The following GEMIN5 variants were observed in gnomAD, a reference collection of about 807,000 sequenced individuals.
GEMIN5 encodes the protein gem-associated protein 5.
In GEMIN5, 124 loss-of-function variants were observed where a neutral mutation model predicts 176.9. That is an observed-to-expected ratio of 0.70 (90% CI 0.61 to 0.81). The LOEUF is 0.81. Among genes scored for constraint, GEMIN5 ranks in the 40% least tolerant of loss-of-function variants. The pLI is 0.00. For missense variants in GEMIN5, 1,843 were observed against 1,814.6 expected (o/e 1.02, Z -0.28); for synonymous variants, 673 against 665.2 (o/e 1.01, Z -0.18).
intron 3 of GEMIN5, among the ~76,000 whole-genome samples, chr5:154,933,239 T>A: frequency 6.6e-6 from 1 of 152,238 alleles, no homozygotes; most frequent in East Asian, 1.9e-4. Flanking sequence ...ATATCATTCC[T>A]AGCCTTTCTT....
intron 15 of GEMIN5, 45 bp downstream of exon 15, chr5:154,911,682 A>G (rs1166047050): frequency 1.3e-6 from 2 of 1,514,394 alleles, no homozygotes; most frequent in Admixed American, 3.5e-5. Context: ...TCAATTATTA[A>G]GAAAGGGAGA....
At chr5:154,927,585 CAAACGATCTGA>C (rs748209566) in intron 6 of GEMIN5, 35 bp from the exon 7 acceptor site, 26 of 1,497,628 alleles carry the variant, frequency 1.7e-5, no homozygotes, top group Non-Finnish European at 1.5e-5. Flanking sequence ...AGTTCTTTTA[CAAACGATCTGA>C]AAACAAGTGA....
intron 5 of GEMIN5, among the ~76,000 whole-genome samples, chr5:154,929,817 G>A (rs1174457432): frequency 6.6e-6 from 1 of 152,216 alleles, no homozygotes; most frequent in African/African-American, 2.4e-5. Context: ...CATTCCAAGT[G>A]CTGTGCTACT....
At chr5:154,907,876 T>C (rs1763604501) in intron 15 of GEMIN5, 58 bp from the exon 16 acceptor site, 3 of 1,215,306 alleles carry the variant, frequency 2.5e-6, no homozygotes, top group South Asian at 1.3e-5. Flanking sequence ...AAAAGCACTC[T>C]AGGTGGTAAA....
At chr5:154,922,105 C>T (rs2113497985) in intron 9 of GEMIN5, among the ~76,000 whole-genome samples, 1 of 152,306 alleles carries the variant, frequency 6.6e-6, no homozygotes, top group African/African-American at 2.4e-5. Flanking sequence ...GAGAATAAAT[C>T]AAAATTTCTA....
At chr5:154,903,780 G>A (rs937935844) in intron 18 of GEMIN5, among the ~76,000 whole-genome samples, 2 of 151,630 alleles carry the variant, frequency 1.3e-5, no homozygotes, top group Non-Finnish European at 2.9e-5. Context: ...TTCCTGGGGA[G>A]GAGAAACAGA....
At chr5:154,930,277 A>G (rs976063035) in intron 5 of GEMIN5, among the ~76,000 whole-genome samples, 1 of 152,248 alleles carries the variant, frequency 6.6e-6, no homozygotes, top group Non-Finnish European at 1.5e-5. Flanking sequence ...AGCAGGGGCC[A>G]CATGCGTCAG....
chr5:154,901,372 G>A lies in GEMIN5; in HGVS notation c.2981C>T (p.Ala994Val), dbSNP rs774969772. ...ATGGTTTGACTTGAGCAGCTCCACC[G>A]CTTCATACACTTTGTGGATGGAAAG... Reference protein sequence around the residue: ...HLLSIHKVYEAVELLKSNHFY... With the variant: ...HLLSIHKVYEVVELLKSNHFY... Residue 994 changes from alanine to valine, a missense_variant, in exon 21 of 28, where the codon GCG (alanine) becomes GTG (valine). Ala to Val is a moderately conservative substitution (Grantham distance 64). Coordinates refer to ENST00000285873, the MANE Select transcript of GEMIN5 (RefSeq NM_015465.5). 1.1e-5 allele frequency: 17 copies of A among 1,613,672 alleles called. No individual in the cohort carries two copies. The highest frequency in any genetic ancestry group is 5.0e-5 in the Admixed American group (3 of 59,980).
chr5:154,908,172 CTTTTTTTTTTTTT>C (rs386405383), intron 15 of GEMIN5, among the ~76,000 whole-genome samples: 46 of 73,080 alleles, frequency 6.3e-4, no homozygotes, highest in Admixed American at 1.8e-3. Flanking sequence ...CCCAGATGTC[CTTTTTTTTTTTTT>C]TTTTTTTTTT....
At chr5:154,900,006 T>C (rs1356442253) in intron 21 of GEMIN5, among the ~76,000 whole-genome samples, 1 of 151,964 alleles carries the variant, frequency 6.6e-6, no homozygotes, top group Non-Finnish European at 1.5e-5. Context: ...TTCTCAAAAA[T>C]GAACAAAGTA....
intron 24 of GEMIN5, among the ~76,000 whole-genome samples, chr5:154,893,283 A>G (rs1763278131): frequency 8.0e-6 from 1 of 125,682 alleles, no homozygotes; most frequent in African/African-American, 2.9e-5. Context: ...AAAAAAAATT[A>G]GCCGGGCTTG....
At chr5:154,889,551 A>G (rs1363097879) in intron 26 of GEMIN5, 134 bp from the exon 27 acceptor site, 12 of 511,964 alleles carry the variant, frequency 2.3e-5, no homozygotes, top group Non-Finnish European at 4.2e-5. Flanking sequence ...TACATAGTTC[A>G]GTGATTTTAA....
chr5:154,901,125 C>T (rs1262869985), intron 21 of GEMIN5, among the ~76,000 whole-genome samples: 1 of 152,122 alleles, frequency 6.6e-6, no homozygotes, highest in Non-Finnish European at 1.5e-5. Context: ...CAGGAGTTGG[C>T]AATCAGCTTG....
intron 2 of GEMIN5, among the ~76,000 whole-genome samples, chr5:154,936,596 G>T (rs1764274767): frequency 6.6e-6 from 1 of 152,154 alleles, no homozygotes; most frequent in Non-Finnish European, 1.5e-5. Flanking sequence ...CAAAAGGCAG[G>T]TACATCAAGT....
At chr5:154,924,077 A>G (rs1275471381) in intron 9 of GEMIN5, among the ~76,000 whole-genome samples, 1 of 152,246 alleles carries the variant, frequency 6.6e-6, no homozygotes, top group Non-Finnish European at 1.5e-5. Flanking sequence ...TCAAAATAAA[A>G]TAATTATTGA....
Position 154,919,020 on chromosome 5 carries a change from G to A in GEMIN5, c.1599+947C>T, listed in dbSNP as rs149109713. On this transcript the variant is annotated intron_variant, in intron 11 of 27. Coordinates refer to ENST00000285873, the MANE Select transcript of GEMIN5 (RefSeq NM_015465.5). ...CGCACCACCGCACTCCAGCCTGGGCGACAGAACAAGGCTCTGTCTCAAAAA... is the reference window on the plus strand; with the variant it reads ...CGCACCACCGCACTCCAGCCTGGGCAACAGAACAAGGCTCTGTCTCAAAAA... Among the ~76,000 whole-genome samples, 321 of 152,274 alleles carry A rather than the reference G, an allele frequency of 2.1e-3. 1 individual carries two copies. Among genetic ancestry groups the A allele is most frequent in the Non-Finnish European group, 3.4e-3 (231 of 68,024 alleles).
In GEMIN5 at chr5:154,932,062, C is replaced by T. The variant is rs750505333; in HGVS notation, c.661+37G>A. Reference sequence around the variant, plus strand: ...ATTGTACCCGTTCTGTTCTTCAGGTCTCAAGTGGACTTAACTTTCCCTTAA... The same window carrying T: ...ATTGTACCCGTTCTGTTCTTCAGGTTTCAAGTGGACTTAACTTTCCCTTAA... On this transcript the variant is annotated intron_variant, in intron 4 of 27. Coordinates refer to ENST00000285873, the MANE Select transcript of GEMIN5 (RefSeq NM_015465.5). 3.4e-6 allele frequency: 5 copies of T among 1,485,234 alleles called. No homozygotes were observed. The South Asian group carries it at 5.9e-5, about 18-fold the overall frequency. 92.0% of individuals were successfully genotyped at this position (1,485,234 alleles called of 1,614,324 possible).
intron 25 of GEMIN5, among the ~76,000 whole-genome samples, chr5:154,891,967 C>G (rs1413762328): frequency 6.6e-6 from 1 of 152,102 alleles, no homozygotes; most frequent in Non-Finnish European, 1.5e-5. Flanking sequence ...AGGAGTCATT[C>G]AAAGCATGAT....
chr5:154,891,472 C>T lies in GEMIN5; in HGVS notation c.4031G>A (p.Arg1344Lys). 6.2e-7 allele frequency: 1 copy of T among 1,614,166 alleles called. No individual in the cohort carries two copies. Among genetic ancestry groups the T allele is most frequent in the Non-Finnish European group, 8.5e-7 (1 of 1,180,036 alleles). ...CATTCGCTCACCTTCTTCTGTGAGT[C>T]TCAAGTCTAGTTCTGAAGGCCTGTT... ...EPNRPSELDL[R>K]LTEEGERMLS... Residue 1344 changes from arginine (R) to lysine (K), a missense_variant, in exon 26 of 28, where the codon AGA becomes AAA. Coordinates refer to ENST00000285873, the MANE Select transcript of GEMIN5 (RefSeq NM_015465.5).
Sources: allele counts gnomAD v4.1 joint callset (sites outside exome capture counted in the v4.1 genomes callset), GRCh38; gene constraint gnomAD v4.1.1; transcripts MANE v1.5; gene names NCBI Gene and HGNC (gene_info 2026-07-23, HGNC 2026-07-21).